Variants in RIPOR2 observed in about 807,000 individuals in gnomAD.
The protein encoded by RIPOR2 is RHO family interacting cell polarization regulator 2, also known as rho family-interacting cell polarization regulator 2.
In RIPOR2, 39 loss-of-function variants were observed where a neutral mutation model predicts 114.5. The observed-to-expected ratio is 0.34, with a 90% CI of 0.26 to 0.44. RIPOR2 has a LOEUF of 0.44. Among genes scored for constraint, RIPOR2 ranks in the 20% least tolerant of loss-of-function variants. The probability of loss-of-function intolerance (pLI) is 1.00; values close to 1 mark genes in which losing one functional copy is unlikely to be tolerated. For synonymous variants in RIPOR2, 445 were observed against 484.4 expected (o/e 0.92, Z 1.07); for missense variants, 1,007 against 1,255.1 (o/e 0.80, Z 2.99).
chr6:25,000,385 CA>C (rs1554129863), intron 1 of RIPOR2, among the ~76,000 whole-genome samples: 1 of 152,178 alleles, frequency 6.6e-6, no homozygotes, highest in Non-Finnish European at 1.5e-5. Context: ...TCTGTAAGGG[CA>C]GGGAGTGTAT....
rs115137611 is a variant in RIPOR2, at chr6:25,036,694, G to C, written c.76+5157C>G. Reference sequence around the variant, plus strand: ...AGGTGTAAGCCACCACGCTAGGCTAGAGTTCAACTTTTTAAAGAGGCGAAA... The same window carrying C: ...AGGTGTAAGCCACCACGCTAGGCTACAGTTCAACTTTTTAAAGAGGCGAAA... On this transcript the variant is annotated intron_variant, in intron 1 of 13. Transcript: ENST00000510784. 4.5e-3 allele frequency among the ~76,000 whole-genome samples: 686 copies of C among 152,316 alleles called. 9 individuals carry two copies. The highest frequency in any genetic ancestry group is 0.021 in the South Asian group (99 of 4,822).
At chr6:24,973,617 C>T (rs886347253) in intron 1 of RIPOR2, among the ~76,000 whole-genome samples, 1 of 149,944 alleles carries the variant, frequency 6.7e-6, no homozygotes. Flanking sequence ...AAAAAGTCAT[C>T]CTTCTACCAA....
chr6:24,888,771 A>AT (rs1341175053), intron 1 of RIPOR2, among the ~76,000 whole-genome samples: 1 of 152,206 alleles, frequency 6.6e-6, no homozygotes, highest in African/African-American at 2.4e-5. Flanking sequence ...ACACTAATAG[A>AT]TTTTTCATAT....
chr6:24,913,490 C>T (rs1025725907), intron 1 of RIPOR2, among the ~76,000 whole-genome samples: 1 of 152,128 alleles, frequency 6.6e-6, no homozygotes, highest in African/African-American at 2.4e-5. Context: ...CCACAGAGTA[C>T]CTCCAGAGAA....
At chr6:24,891,605 A>G (rs1219091802) in intron 1 of RIPOR2, among the ~76,000 whole-genome samples, 5 of 152,230 alleles carry the variant, frequency 3.3e-5, no homozygotes, top group Non-Finnish European at 7.3e-5. Flanking sequence ...GGATCCATCA[A>G]CGTATGGCAA....
intron 1 of RIPOR2, among the ~76,000 whole-genome samples, chr6:24,966,266 A>G (rs1773522255): frequency 1.3e-5 from 2 of 152,218 alleles, no homozygotes; most frequent in African/African-American, 4.8e-5. Context: ...ATTACCATCA[A>G]GCTCTCTGCA....
At chr6:24,852,065 G>T (rs543637262) in intron 9 of RIPOR2, among the ~76,000 whole-genome samples, 38 of 152,000 alleles carry the variant, frequency 2.5e-4, no homozygotes, top group African/African-American at 4.3e-4. Context: ...TTCAAGACCA[G>T]CCTGGCCAAC....
intron 1 of RIPOR2, among the ~76,000 whole-genome samples, chr6:24,901,430 A>G (rs73731430): frequency 0.058 from 8,845 of 152,294 alleles, 711 homozygotes; most frequent in African/African-American, 0.18. Flanking sequence ...AGAAATACAC[A>G]TTGAGGATCT....
intron 1 of RIPOR2, among the ~76,000 whole-genome samples, chr6:24,934,383 G>A (rs572615931): frequency 2.6e-5 from 4 of 152,292 alleles, no homozygotes; most frequent in East Asian, 3.9e-4. Context: ...AAACAGCAGC[G>A]AAGCTCAATA....
intron 1 of RIPOR2, among the ~76,000 whole-genome samples, chr6:24,930,310 A>G (rs2114143462): frequency 1.3e-5 from 2 of 152,360 alleles, no homozygotes; most frequent in African/African-American, 4.8e-5. Flanking sequence ...TATAGAAGAC[A>G]TACTCTAGTA....
intron 1 of RIPOR2, among the ~76,000 whole-genome samples, chr6:25,032,188 T>G (rs1024036937): frequency 1.5e-4 from 19 of 130,420 alleles, no homozygotes; most frequent in Non-Finnish European, 2.9e-4. Flanking sequence ...CTTTATGGTG[T>G]TTTTTTTTTT....
At chr6:24,960,227 T>C (rs1286584496) in intron 1 of RIPOR2, among the ~76,000 whole-genome samples, 1 of 152,134 alleles carries the variant, frequency 6.6e-6, no homozygotes, top group Non-Finnish European at 1.5e-5. Context: ...ATTTATAAAT[T>C]ATAGAAATGT....
chr6:24,890,640 A>G (rs1475858836), intron 1 of RIPOR2, among the ~76,000 whole-genome samples: 1 of 148,802 alleles, frequency 6.7e-6, no homozygotes, highest in Non-Finnish European at 1.5e-5. Flanking sequence ...GGACCTTTGT[A>G]CCCAATAGAT....
intron 1 of RIPOR2, among the ~76,000 whole-genome samples, chr6:24,927,181 A>ACCACTACAAC: frequency 1.5e-5 from 1 of 67,332 alleles, no homozygotes; most frequent in East Asian, 6.4e-4. Context: ...CACCACCACC[A>ACCACTACAAC]TGACCACCAC....
chr6:24,995,487 A>G (rs1196810535), intron 1 of RIPOR2, among the ~76,000 whole-genome samples: 1 of 152,184 alleles, frequency 6.6e-6, no homozygotes, highest in East Asian at 1.9e-4. Context: ...GAAACTGCCA[A>G]TCCCGGCAAC....
chr6:24,835,207 T>C (rs1314372694), intron 15 of RIPOR2, among the ~76,000 whole-genome samples: 1 of 152,230 alleles, frequency 6.6e-6, no homozygotes, highest in African/African-American at 2.4e-5. Flanking sequence ...ATGGTGATGA[T>C]GATGGCCTAG....
intron 2 of RIPOR2, among the ~76,000 whole-genome samples, chr6:24,875,066 G>T (rs931021168): frequency 2.0e-5 from 3 of 152,160 alleles, no homozygotes; most frequent in South Asian, 2.1e-4. Flanking sequence ...CCCCTCCCAG[G>T]TTAGTTATTC....
upstream of RIPOR2, among the ~76,000 whole-genome samples, chr6:24,937,634 G>C (rs1771890606): frequency 6.6e-6 from 1 of 152,170 alleles, no homozygotes; most frequent in South Asian, 2.1e-4. Flanking sequence ...GGGATAAGAG[G>C]ATGGGTGTCC....
intron 1 of RIPOR2, among the ~76,000 whole-genome samples, chr6:24,998,669 A>G (rs1178429057): frequency 6.6e-6 from 1 of 151,882 alleles, no homozygotes; most frequent in Non-Finnish European, 1.5e-5. Context: ...TATATTTCTC[A>G]TCTATAGACT....
Sources: gnomAD v4.1 joint callset for allele counts (sites outside exome capture counted in the v4.1 genomes callset) on GRCh38, gnomAD v4.1.1 for gene constraint, MANE v1.5 for transcripts, NCBI Gene and HGNC (gene_info 2026-07-23, HGNC 2026-07-21) for gene names.